The following TBC1D5 variants were observed in gnomAD, a reference collection of about 807,000 sequenced individuals.
The protein encoded by TBC1D5 is TBC1 domain family, member 5.
A neutral mutation model predicts 100.3 loss-of-function variants in TBC1D5; 75 were observed. That is an observed-to-expected ratio of 0.75 (90% CI 0.62 to 0.91). TBC1D5 has a LOEUF of 0.91. Among genes scored for constraint, TBC1D5 ranks in the 40% least tolerant of loss-of-function variants. TBC1D5 has a pLI of 0.00. For synonymous variants in TBC1D5, 323 were observed against 325.6 expected, an observed-to-expected ratio of 0.99 and a Z score of 0.09; for missense variants, 910 against 942.4, an observed-to-expected ratio of 0.97 and a Z score of 0.45.
At chr3:17,556,747 C>T (rs1234545092) in intron 2 of TBC1D5, among the ~76,000 whole-genome samples, 1 of 151,996 alleles carries the variant, frequency 6.6e-6, no homozygotes, top group African/African-American at 2.4e-5. Context: ...GAAAACTTTC[C>T]ATAAATGATT....
chr3:17,230,423 T>C (rs1173733153), intron 17 of TBC1D5, among the ~76,000 whole-genome samples: 2 of 152,110 alleles, frequency 1.3e-5, no homozygotes, highest in African/African-American at 4.8e-5. Context: ...AACTTAACAA[T>C]GGTTACCCTT....
At chr3:17,178,428 G>C (rs921684735) in intron 19 of TBC1D5, among the ~76,000 whole-genome samples, 1 of 151,970 alleles carries the variant, frequency 6.6e-6, no homozygotes, top group South Asian at 2.1e-4. Flanking sequence ...TGGACACTTA[G>C]GTTGCTTCCA....
intron 13 of TBC1D5, among the ~76,000 whole-genome samples, chr3:17,340,385 A>G (rs968060297): frequency 3.9e-5 from 6 of 152,186 alleles, no homozygotes; most frequent in African/African-American, 7.2e-5. Flanking sequence ...GAAATCCCCA[A>G]TGAAGTAGGC....
At chr3:17,421,815 T>C (rs1470585491) in intron 4 of TBC1D5, among the ~76,000 whole-genome samples, 1 of 152,206 alleles carries the variant, frequency 6.6e-6, no homozygotes, top group Non-Finnish European at 1.5e-5. Flanking sequence ...GTTTGTCTTA[T>C]TTCTGTGCAT....
intron 1 of TBC1D5, among the ~76,000 whole-genome samples, chr3:17,661,720 G>A (rs898072098): frequency 6.6e-6 from 1 of 151,908 alleles, no homozygotes; most frequent in African/African-American, 2.4e-5. Flanking sequence ...GGATGGTCTC[G>A]ATCTCCTGAC....
At chr3:17,508,390 A>G in intron 3 of TBC1D5, 84 bp downstream of exon 3, 2 of 1,025,418 alleles carry the variant, frequency 2.0e-6, no homozygotes, top group Non-Finnish European at 3.1e-6. Context: ...GTTCACACAC[A>G]TAAGGTGGAC....
chr3:17,740,804 G>A (rs895522830), exon 1 of TBC1D5: 3 of 151,808 alleles, frequency 2.0e-5, no homozygotes, highest in African/African-American at 4.8e-5. Context: ...GATTTTTTTC[G>A]CCTATATGTT....
intron 1 of TBC1D5, among the ~76,000 whole-genome samples, chr3:17,637,139 A>G (rs915383945): frequency 2.6e-4 from 38 of 146,544 alleles, no homozygotes; most frequent in African/African-American, 8.8e-4. Flanking sequence ...CTCCTGCCTC[A>G]GCCTCAGGAG....
At chr3:17,736,743 G>T (rs893153512) in intron 1 of TBC1D5, among the ~76,000 whole-genome samples, 2 of 152,170 alleles carry the variant, frequency 1.3e-5, no homozygotes, top group African/African-American at 4.8e-5. Flanking sequence ...CTGGTGCAAT[G>T]GCTCATGCCT....
chr3:17,607,651 G>A (rs981747396), intron 2 of TBC1D5, among the ~76,000 whole-genome samples: 1 of 150,444 alleles, frequency 6.6e-6, no homozygotes, highest in African/African-American at 2.5e-5. Flanking sequence ...GCAATTCCTT[G>A]CCCCCGCCAA....
At chr3:17,387,469 T>A (rs2093200398) in intron 8 of TBC1D5, among the ~76,000 whole-genome samples, 1 of 151,964 alleles carries the variant, frequency 6.6e-6, no homozygotes, top group Non-Finnish European at 1.5e-5. Flanking sequence ...ATAACATAGT[T>A]CCTACAAAAA....
intron 2 of TBC1D5, among the ~76,000 whole-genome samples, chr3:17,529,539 A>G (rs1258752290): frequency 1.3e-5 from 2 of 152,294 alleles, no homozygotes; most frequent in African/African-American, 4.8e-5. Context: ...GGGTGTTTAC[A>G]TATATACATA....
intron 1 of TBC1D5, among the ~76,000 whole-genome samples, chr3:17,669,949 G>T (rs555006759): frequency 1.3e-5 from 2 of 152,138 alleles, no homozygotes; most frequent in Non-Finnish European, 2.9e-5. Context: ...GCAATGGCGC[G>T]ATCTCGGCTC....
At chr3:17,705,551 G>A (rs1180075446) in intron 1 of TBC1D5, among the ~76,000 whole-genome samples, 2 of 138,506 alleles carry the variant, frequency 1.4e-5, no homozygotes, top group East Asian at 2.4e-4. Flanking sequence ...GGGCAGAGAC[G>A]CTCCTCACCT....
chr3:17,507,235 T>C lies in TBC1D5; in HGVS notation c.97+1239A>G, dbSNP rs2095854048. 2.0e-5 allele frequency among the ~76,000 whole-genome samples: 3 copies of C among 152,166 alleles called. No individual in the cohort carries two copies. In the South Asian group the frequency reaches 6.2e-4, roughly 32 times the overall value. The stretch of plus-strand genomic sequence containing the variant: ...TATTACATTTAAGAGAAAATATCAC[T>C]AGAAAAGGTGTCATGCCTAGCACTG... On this transcript the variant is annotated intron_variant, in intron 3 of 21. Coordinates refer to ENST00000253692, the Ensembl canonical transcript of TBC1D5.
intron 2 of TBC1D5, among the ~76,000 whole-genome samples, chr3:17,561,352 C>CA (rs1350794370): frequency 2.6e-5 from 4 of 151,054 alleles, no homozygotes; most frequent in Non-Finnish European, 5.9e-5. Context: ...CTAGTAAGAG[C>CA]AAAAAAATCA....
intron 2 of TBC1D5, among the ~76,000 whole-genome samples, chr3:17,566,864 TCACTAGA>T (rs1227547582): frequency 1.3e-5 from 2 of 151,840 alleles, no homozygotes; most frequent in African/African-American, 2.4e-5. Flanking sequence ...TTGTTCAACT[TCACTAGA>T]CACTAGAGAT....
intron 13 of TBC1D5, among the ~76,000 whole-genome samples, chr3:17,366,332 C>CA (rs998280059): frequency 6.6e-5 from 10 of 151,026 alleles, no homozygotes; most frequent in African/African-American, 1.9e-4. Context: ...AAAAAACAAA[C>CA]AAAAAAAAGG....
At chr3:17,594,619 T>C (rs1382088510) in intron 2 of TBC1D5, among the ~76,000 whole-genome samples, 1 of 152,238 alleles carries the variant, frequency 6.6e-6, no homozygotes, top group Non-Finnish European at 1.5e-5. Context: ...AATACCTTCA[T>C]TTCCTTTCTC....
Sources: gnomAD v4.1 joint callset for allele counts (sites outside exome capture counted in the v4.1 genomes callset) on GRCh38, gnomAD v4.1.1 for gene constraint, MANE v1.5 for transcripts, NCBI Gene and HGNC (gene_info 2026-07-23, HGNC 2026-07-21) for gene names.